RAB3D: variants seen among roughly 807,000 people sequenced by gnomAD.
RAB3D encodes the protein RAB3D, member RAS oncogene family, also known as ras-related protein Rab-3D.
Under a neutral mutation model 19.3 loss-of-function variants are expected in RAB3D, and 17 were observed. The observed-to-expected ratio is 0.88, with a 90% CI of 0.60 to 1.32. The LOEUF (loss-of-function observed/expected upper bound fraction) is 1.32, where lower values mean the gene tolerates loss of function less well. Ranked by LOEUF, RAB3D falls within the 40% of genes most tolerant of loss-of-function variation. The pLI, the probability that RAB3D is intolerant of heterozygous loss-of-function variation, is 0.00. For synonymous variants in RAB3D, 103 were observed against 119.9 expected, an observed-to-expected ratio of 0.86 and a Z score of 0.92; for missense variants, 223 against 299.1, an observed-to-expected ratio of 0.75 and a Z score of 1.88.
chr19:11,329,452 A>C (rs930073610), intron 4 of RAB3D, among the ~76,000 whole-genome samples: 9 of 151,448 alleles, frequency 5.9e-5, no homozygotes, highest in African/African-American at 1.9e-4. Flanking sequence ...TACTAAAAAT[A>C]CAAAAGTAGC....
intron 4 of RAB3D, 58 bp downstream of exon 4, chr19:11,335,389 T>C: frequency 6.2e-7 from 1 of 1,601,080 alleles, no homozygotes; most frequent in Non-Finnish European, 8.5e-7. Flanking sequence ...AATCAGAGGA[T>C]GGGGATGAGG....
chr19:11,323,371 A>G lies in RAB3D; in HGVS notation c.*2027T>C, dbSNP rs1417517325. The G allele has an allele frequency of 3.3e-5, 5 of 152,158 alleles. No individual in the cohort carries two copies. Among genetic ancestry groups the G allele is most frequent in the Admixed American group, 2.6e-4 (4 of 15,266 alleles). The allele number at this position is 152,158 out of a possible 1,614,324, so 9.4% of individuals were successfully genotyped here. On this transcript the variant is annotated 3_prime_UTR_variant, in exon 5 of 5. Coordinates refer to ENST00000222120, the MANE Select transcript of RAB3D (RefSeq NM_004283.4). ...CACTTTGGGAGGCCGAAGCAAGTGG[A>G]TCACTTGAAGTCAGTTTGAGACAAG...
At chr19:11,332,848 CA>C (rs565339761) in intron 4 of RAB3D, among the ~76,000 whole-genome samples, 106 of 141,778 alleles carry the variant, frequency 7.5e-4, no homozygotes, top group Non-Finnish European at 9.9e-4. Context: ...GACTCCATCT[CA>C]AAAAAAAAAA....
At chr19:11,328,379 T>C (rs1188233412) in intron 4 of RAB3D, among the ~76,000 whole-genome samples, 1 of 141,052 alleles carries the variant, frequency 7.1e-6, no homozygotes, top group African/African-American at 2.7e-5. Flanking sequence ...GTGCCAGGCG[T>C]GGTGGCTCAC....
chr19:11,331,935 T>C (rs2080837000), intron 4 of RAB3D, among the ~76,000 whole-genome samples: 1 of 152,176 alleles, frequency 6.6e-6, no homozygotes, highest in Admixed American at 6.5e-5. Flanking sequence ...AAAAGTATTT[T>C]GGGGGAATAG....
chr19:11,324,587 C>T lies in RAB3D; in HGVS notation c.*811G>A, dbSNP rs144388694. The stretch of plus-strand genomic sequence containing the variant: ...TAACTTCTGGCCGAAAGCCCAGAGC[C>T]GGAGTGCTAGGGGTTGGGCGAATCT... On this transcript the variant is annotated 3_prime_UTR_variant, in exon 5 of 5. Coordinates refer to ENST00000222120, the MANE Select transcript of RAB3D (RefSeq NM_004283.4). The T allele has an allele frequency of 3.9e-5, 6 of 152,734 alleles. No homozygotes were observed. Among genetic ancestry groups the T allele is most frequent in the East Asian group, 1.9e-4 (1 of 5,184 alleles). The allele number at this position is 152,734 out of a possible 1,614,324, so 9.5% of individuals were successfully genotyped here.
Position 11,338,797 on chromosome 19 carries a change from G to A in RAB3D, c.-62+672C>T, listed in dbSNP as rs112093158. On this transcript the variant is annotated intron_variant, in intron 1 of 4. Transcript: ENST00000222120. ...TTCCAGGCAATCTGTCCCACGGCTA[G>A]GCTCCTTGAATCTGCCCACACTCCA... Among the ~76,000 whole-genome samples the A allele has an allele frequency of 2.0e-5, 3 of 152,274 alleles. 1 individual carries two copies. The highest frequency in any genetic ancestry group is 7.2e-5 in the African/African-American group (3 of 41,556).
intron 4 of RAB3D, among the ~76,000 whole-genome samples, chr19:11,328,649 A>C (rs76183536): frequency 6.6e-6 from 1 of 151,890 alleles, no homozygotes; most frequent in East Asian, 1.9e-4. Context: ...CCATCTCTAA[A>C]TAAATAAATA....
intron 4 of RAB3D, among the ~76,000 whole-genome samples, chr19:11,331,810 CTA>C (rs1470095952): frequency 6.6e-6 from 1 of 151,432 alleles, no homozygotes; most frequent in Non-Finnish European, 1.5e-5. Context: ...GGCTCTGTCT[CTA>C]TTATTTAAAA....
rs747478462 is a variant in RAB3D, at chr19:11,337,343, G to A, written c.57C>T (p.Phe19=). 2.4e-5 allele frequency: 39 copies of A among 1,613,986 alleles called. No homozygotes were observed. The highest frequency in any genetic ancestry group is 5.5e-5 in the South Asian group (5 of 91,086). The change falls in exon 2 of 5, where the codon TTC becomes TTT. Residue 19 remains phenylalanine, a synonymous_variant. Transcript: ENST00000222120. ...AGPRDAADQN[F]DYMFKLLLIG... is the part of the protein sequence containing the mutation. ...TCAGTAGCAGTTTGAACATATAGTCGAAGTTCTGATCTGCTGCATCCCGTG... is the reference window on the plus strand; with the variant it reads ...TCAGTAGCAGTTTGAACATATAGTCAAAGTTCTGATCTGCTGCATCCCGTG...
chr19:11,329,106 G>A (rs534673395), intron 4 of RAB3D, among the ~76,000 whole-genome samples: 1 of 151,800 alleles, frequency 6.6e-6, no homozygotes, highest in African/African-American at 2.4e-5. Context: ...TTTTATAGGG[G>A]TGGGGCTTCA....
rs2080829462 is a variant in RAB3D, at chr19:11,329,761, A to G, written c.473-4176T>C. On this transcript the variant is annotated intron_variant, in intron 4 of 4. Transcript: ENST00000222120. Reference sequence around the variant, plus strand: ...CAATGGCGCGATCTTGGCTCATTGCAACCTCCGCCTCCCGGGTTCAAATGG... The same window carrying G: ...CAATGGCGCGATCTTGGCTCATTGCGACCTCCGCCTCCCGGGTTCAAATGG... Among the ~76,000 whole-genome samples the G allele has an allele frequency of 2.0e-5, 3 of 150,124 alleles. No individual in the cohort carries two copies. The Admixed American group carries it at 2.0e-4, about 10-fold the overall frequency.
Position 11,324,983 on chromosome 19 carries a change from A to T in RAB3D, c.*415T>A. On this transcript the variant is annotated 3_prime_UTR_variant, in exon 5 of 5. Coordinates refer to ENST00000222120, the MANE Select transcript of RAB3D (RefSeq NM_004283.4). ...AACCCACACTGTGCGAGGAAGATGA[A>T]CCATCTTCCACCAGCTTGGGAATAT... 6.3e-6 allele frequency: 1 copy of T among 157,680 alleles called. No homozygotes were observed. Among genetic ancestry groups the T allele is most frequent in the Non-Finnish European group, 1.4e-5 (1 of 70,912 alleles). The allele number at this position is 157,680 out of a possible 1,614,324, so 9.8% of individuals were successfully genotyped here. A position where few individuals can be genotyped will look rare whatever the true frequency, so the allele number is the denominator to read the frequency against.
At chr19:11,335,881 A>G in intron 2 of RAB3D, 98 bp from the exon 3 acceptor site, 2 of 1,107,188 alleles carry the variant, frequency 1.8e-6, no homozygotes, top group Non-Finnish European at 2.7e-6. Context: ...CCCCAGCCTT[A>G]CGGGGGAGAC....
Position 11,335,695 on chromosome 19 carries a change from T to A in RAB3D, c.317A>T (p.Asn106Ile). The A allele has an allele frequency of 1.9e-6, 3 of 1,614,162 alleles. No homozygotes were observed. The highest frequency in any genetic ancestry group is 2.5e-6 in the Non-Finnish European group (3 of 1,179,998). Residue 106 changes from asparagine (N) to isoleucine (I), a missense_variant, in exon 3 of 5, where the codon AAT (asparagine) becomes ATT (isoleucine). Coordinates refer to ENST00000222120, the MANE Select transcript of RAB3D (RefSeq NM_004283.4). The stretch of plus-strand genomic sequence containing the variant: ...CTGCACAGCGGCAAAGGATTCCTGA[T>A]TGGCGATGTCATACATGAGCAGGAA... ...MGFLLMYDIA[N>I]QESFAAVQDW... is the part of the protein sequence containing the mutation.
At chr19:11,335,064 T>C (rs1297481065) in intron 4 of RAB3D, among the ~76,000 whole-genome samples, 3 of 152,248 alleles carry the variant, frequency 2.0e-5, no homozygotes, top group Non-Finnish European at 2.9e-5. Flanking sequence ...TCCTTTTCCA[T>C]GGCTGCATAG....
chr19:11,330,811 A>G (rs1323777737), intron 4 of RAB3D, among the ~76,000 whole-genome samples: 1 of 151,902 alleles, frequency 6.6e-6, no homozygotes, highest in Non-Finnish European at 1.5e-5. Context: ...CGGCCTCCCA[A>G]AGTGCTGGGA....
Position 11,325,482 on chromosome 19 carries a change from T to C in RAB3D, c.576A>G (p.Glu192=). ...CGTTGCTGCCTGAGCTGGAGCTGGG[T>C]TCCAGGGACTCGTTCATCTTCTCGC... is the stretch of plus-strand genomic sequence containing the variant. ...VICEKMNESL[E]PSSSSGSNGK... Residue 192 remains glutamate (E), a synonymous_variant, in exon 5 of 5, where the codon GAA becomes GAG. Transcript: ENST00000222120. 6.2e-7 allele frequency: 1 copy of C among 1,613,212 alleles called. No individual in the cohort carries two copies. The highest frequency in any genetic ancestry group is 8.5e-7 in the Non-Finnish European group (1 of 1,180,000).
chr19:11,335,601 C>T, intron 3 of RAB3D, 30 bp from the exon 4 acceptor site: 1 of 1,613,720 alleles, frequency 6.2e-7, no homozygotes, highest in South Asian at 1.1e-5. Flanking sequence ...GAGCCATGAG[C>T]CGGGGGGGTT....
Sources: gnomAD v4.1 joint callset for allele counts (sites outside exome capture counted in the v4.1 genomes callset) on GRCh38, gnomAD v4.1.1 for gene constraint, MANE v1.5 for transcripts, NCBI Gene and HGNC (gene_info 2026-07-23, HGNC 2026-07-21) for gene names.